LEKR1: variants seen among roughly 807,000 people sequenced by gnomAD.
LEKR1 encodes the protein protein LEKR1.
LEKR1 carries 59 observed loss-of-function variants against 72.4 expected under a neutral mutation model. The observed-to-expected ratio is 0.82, with a 90% CI of 0.66 to 1.01. The LOEUF is 1.01. Ranked by LOEUF, LEKR1 falls within the 50% of genes least tolerant of loss-of-function variation. The probability of loss-of-function intolerance (pLI) is 0.00; values close to 1 mark genes in which losing one functional copy is unlikely to be tolerated. For missense variants in LEKR1, 728 were observed against 759.2 expected, an observed-to-expected ratio of 0.96 and a Z score of 0.48; for synonymous variants, 257 against 263.2, an observed-to-expected ratio of 0.98 and a Z score of 0.23.
intron 6 of LEKR1, among the ~76,000 whole-genome samples, chr3:156,971,372 G>T (rs568684904): frequency 1.3e-5 from 2 of 152,070 alleles, no homozygotes; most frequent in South Asian, 4.1e-4. Flanking sequence ...TGTTGGACCT[G>T]AAACCATAAA....
chr3:156,948,701 G>A (rs1726893191), intron 6 of LEKR1, among the ~76,000 whole-genome samples: 1 of 151,410 alleles, frequency 6.6e-6, no homozygotes, highest in South Asian at 2.1e-4. Flanking sequence ...GGGATTACTG[G>A]GTCAAATGGT....
At chr3:156,881,151 G>A (rs2108551925) in intron 3 of LEKR1, among the ~76,000 whole-genome samples, 1 of 152,286 alleles carries the variant, frequency 6.6e-6, no homozygotes, top group Non-Finnish European at 1.5e-5. Flanking sequence ...TCTAGCCAGG[G>A]CAATTAGGCA....
At position 156,950,171 on chromosome 3, in the gene LEKR1, A is replaced by T. The variant is rs1727022885; in HGVS notation, c.745+7457A>T. Among the ~76,000 whole-genome samples the T allele has an allele frequency of 6.6e-5, 10 of 150,982 alleles. No individual in the cohort carries two copies. In the Admixed American group the frequency reaches 6.6e-4, roughly 10 times the overall value. On this transcript the variant is annotated intron_variant, in intron 6 of 12. Transcript: ENST00000356539. ...AGGTTGTTCAGAGCATTATTTTCTTATTATTTCTTCTTCTTTATTTGTAGT... is the reference window on the plus strand; with the variant it reads ...AGGTTGTTCAGAGCATTATTTTCTTTTTATTTCTTCTTCTTTATTTGTAGT...
intron 5 of LEKR1, among the ~76,000 whole-genome samples, chr3:156,932,456 C>T (rs970083511): frequency 1.3e-5 from 2 of 152,062 alleles, no homozygotes; most frequent in Admixed American, 1.3e-4. Flanking sequence ...TGTGGTGGCT[C>T]ATGCCTAGCA....
chr3:156,854,030 A>G (rs1234237924), intron 3 of LEKR1, among the ~76,000 whole-genome samples: 2 of 151,540 alleles, frequency 1.3e-5, no homozygotes, highest in Admixed American at 6.6e-5. Flanking sequence ...AAGTCTTTGT[A>G]CCCTGCTGAT....
chr3:156,871,497 G>A (rs1717951696), intron 3 of LEKR1, among the ~76,000 whole-genome samples: 1 of 152,158 alleles, frequency 6.6e-6, no homozygotes, highest in Non-Finnish European at 1.5e-5. Context: ...GGGTCAAATG[G>A]TATTTCTAGT....
At chr3:156,999,419 C>A (rs1419695200) in intron 9 of LEKR1, among the ~76,000 whole-genome samples, 1 of 152,048 alleles carries the variant, frequency 6.6e-6, no homozygotes, top group Admixed American at 6.6e-5. Context: ...TTTTTCTCCC[C>A]TCCCGTTTTC....
At chr3:157,029,413 T>C (rs973235197) in intron 12 of LEKR1, among the ~76,000 whole-genome samples, 1 of 151,924 alleles carries the variant, frequency 6.6e-6, no homozygotes, top group Non-Finnish European at 1.5e-5. Flanking sequence ...CTGAAGAAGG[T>C]TGAATAATTT....
chr3:156,926,909 A>C (rs1173097973), intron 4 of LEKR1, among the ~76,000 whole-genome samples: 1 of 151,904 alleles, frequency 6.6e-6, no homozygotes, highest in African/African-American at 2.4e-5. Context: ...AACCAGAATA[A>C]AATCACTGAG....
At chr3:156,907,219 C>T (rs1036620547) in intron 3 of LEKR1, among the ~76,000 whole-genome samples, 1 of 152,006 alleles carries the variant, frequency 6.6e-6, no homozygotes, top group African/African-American at 2.4e-5. Context: ...AGAGATCACC[C>T]TGCTTTAACA....
intron 2 of LEKR1, among the ~76,000 whole-genome samples, chr3:156,845,540 A>T (rs925810136): frequency 6.6e-6 from 1 of 150,886 alleles, no homozygotes; most frequent in Non-Finnish European, 1.5e-5. Flanking sequence ...TCCTTTTTTA[A>T]AAAAAAAAAT....
chr3:156,941,196 G>C (rs912789044), intron 5 of LEKR1, among the ~76,000 whole-genome samples: 54 of 151,942 alleles, frequency 3.6e-4, no homozygotes, highest in African/African-American at 1.2e-3. Flanking sequence ...CACTTATTTG[G>C]TTTCTGCAAT....
chr3:156,958,211 G>A (rs539725389), intron 6 of LEKR1, among the ~76,000 whole-genome samples: 44 of 152,038 alleles, frequency 2.9e-4, no homozygotes, highest in Non-Finnish European at 1.3e-4. Flanking sequence ...TCATATCAGG[G>A]TCCCCATATA....
chr3:156,910,529 C>A (rs1723009353), intron 3 of LEKR1, among the ~76,000 whole-genome samples: 1 of 152,150 alleles, frequency 6.6e-6, no homozygotes, highest in African/African-American at 2.4e-5. Context: ...GTAACGGGAT[C>A]ATTTGTACCC....
chr3:156,860,273 A>G (rs1037561749), intron 3 of LEKR1, among the ~76,000 whole-genome samples: 1 of 152,296 alleles, frequency 6.6e-6, no homozygotes, highest in South Asian at 2.1e-4. Context: ...TCAGTAGATT[A>G]CAGAAGTCAG....
chr3:157,013,016 T>C (rs1305123725), intron 10 of LEKR1, among the ~76,000 whole-genome samples: 1 of 152,132 alleles, frequency 6.6e-6, no homozygotes, highest in Non-Finnish European at 1.5e-5. Context: ...TTTAACACTG[T>C]GGTTAAGATC....
intron 3 of LEKR1, among the ~76,000 whole-genome samples, chr3:156,895,815 T>C (rs1721123253): frequency 1.3e-5 from 2 of 152,148 alleles, no homozygotes; most frequent in African/African-American, 4.8e-5. Context: ...TCCTCAAAGT[T>C]CTAGAAGGAG....
chr3:156,893,238 G>A (rs1006206423), intron 3 of LEKR1, among the ~76,000 whole-genome samples: 1 of 152,194 alleles, frequency 6.6e-6, no homozygotes, highest in African/African-American at 2.4e-5. Context: ...AGTTCATCAT[G>A]TGGGCTACTT....
At chr3:156,924,007 G>A (rs62275807) in intron 4 of LEKR1, among the ~76,000 whole-genome samples, 13,237 of 152,232 alleles carry the variant, frequency 0.087, 708 homozygotes, top group South Asian at 0.17. Flanking sequence ...GATTATAGGC[G>A]TGAGCTACCG....
Sources: allele counts gnomAD v4.1 joint callset (sites outside exome capture counted in the v4.1 genomes callset), GRCh38; gene constraint gnomAD v4.1.1; transcripts MANE v1.5; gene names NCBI Gene and HGNC (gene_info 2026-07-23, HGNC 2026-07-21).